Variants in LRRN2 observed in about 807,000 individuals in gnomAD.
LRRN2 encodes the protein leucine-rich repeat neuronal protein 2.
In LRRN2, 10 loss-of-function variants were observed where a neutral mutation model predicts 35.7. That is an observed-to-expected ratio of 0.28 (90% CI 0.17 to 0.47). The LOEUF is 0.47. Among genes scored for constraint, LRRN2 ranks in the 20% least tolerant of loss-of-function variants. The probability of loss-of-function intolerance (pLI) is 0.99; values close to 1 mark genes in which losing one functional copy is unlikely to be tolerated. For synonymous variants in LRRN2, 391 were observed against 409.6 expected (o/e 0.95, Z 0.55); for missense variants, 731 against 940.3 (o/e 0.78, Z 2.91).
chr1:204,649,910 C>T (rs1192587389), intron 1 of LRRN2, among the ~76,000 whole-genome samples: 1 of 152,174 alleles, frequency 6.6e-6, no homozygotes, highest in Non-Finnish European at 1.5e-5. Flanking sequence ...GCAGGGTCCC[C>T]AGAGACTGTG....
At position 204,631,258 on chromosome 1, in the gene LRRN2, ATATATATATAT is replaced by A. The variant is rs1667688367; in HGVS notation, c.-226-11051_-226-11041del. Among the ~76,000 whole-genome samples, 233 of 38,988 alleles carry A rather than the reference ATATATATATAT, an allele frequency of 6.0e-3. 26 individuals carry two copies. Among genetic ancestry groups the A allele is most frequent in the Middle Eastern group, 0.018 (2 of 114 alleles). The allele number at this position is 38,988 out of a possible 152,430, so 25.6% of individuals were successfully genotyped here. A position where few individuals can be genotyped will look rare whatever the true frequency, so the allele number is the denominator to read the frequency against. On this transcript the variant is annotated intron_variant, in intron 1 of 1. Transcript: ENST00000367177. Reference sequence around the variant, plus strand: ...AGAAGAGTGATACCTAGAGTGTTCTATATATATATATATATATATATATATATATATATATA... The same window carrying A: ...AGAAGAGTGATACCTAGAGTGTTCTAATATATATATATATATATATATATA...
At chr1:204,672,096 C>T (rs1461326357) in intron 1 of LRRN2, among the ~76,000 whole-genome samples, 1 of 152,134 alleles carries the variant, frequency 6.6e-6, no homozygotes, top group Non-Finnish European at 1.5e-5. Flanking sequence ...AGGATGTCGC[C>T]TTATTTTGCG....
chr1:204,619,824 C>A lies in LRRN2; in HGVS notation c.169G>T (p.Asp57Tyr). The A allele has an allele frequency of 6.2e-7, 1 of 1,613,826 alleles. No homozygotes were observed. Among genetic ancestry groups the A allele is most frequent in the Non-Finnish European group, 8.5e-7 (1 of 1,179,832 alleles). The change falls in exon 2 of 2, where the codon GAC (aspartate) becomes TAC (tyrosine). Residue 57 changes from aspartate to tyrosine, a missense_variant. Coordinates refer to ENST00000367177, the MANE Select transcript of LRRN2 (RefSeq NM_201630.2). Reference protein sequence around the residue: ...YREATTVDCNDLFLTAVPPAL... With the variant: ...YREATTVDCNYLFLTAVPPAL... ...GGGGGGACTGCCGTCAGGAATAGGT[C>A]ATTGCAGTCCACAGTGGTAGCCTCG...
intron 1 of LRRN2, among the ~76,000 whole-genome samples, chr1:204,646,657 G>T (rs1221393323): frequency 6.6e-6 from 1 of 152,152 alleles, no homozygotes; most frequent in East Asian, 1.9e-4. Flanking sequence ...ATGTCCACCA[G>T]CTTTCAAAGA....
At chr1:204,662,044 G>T (rs762870025) in intron 1 of LRRN2, among the ~76,000 whole-genome samples, 1 of 152,182 alleles carries the variant, frequency 6.6e-6, no homozygotes, top group Non-Finnish European at 1.5e-5. Context: ...GGAATAGCCT[G>T]ATCCCTCTGC....
intron 1 of LRRN2, among the ~76,000 whole-genome samples, chr1:204,679,692 TC>T (rs1276974679): frequency 6.6e-6 from 1 of 152,032 alleles, no homozygotes; most frequent in East Asian, 1.9e-4. Context: ...TTATCTGGAG[TC>T]TAGGCCCCAT....
intron 1 of LRRN2, among the ~76,000 whole-genome samples, chr1:204,639,736 C>T (rs1176053225): frequency 6.6e-6 from 1 of 152,180 alleles, no homozygotes; most frequent in African/African-American, 2.4e-5. Flanking sequence ...AGGGCTTACT[C>T]TCTGCCAGGC....
chr1:204,657,970 C>CTTTTT (rs56792483), intron 1 of LRRN2, among the ~76,000 whole-genome samples: 35 of 75,262 alleles, frequency 4.7e-4, no homozygotes, highest in South Asian at 5.3e-4. Context: ...GCCAATGGTT[C>CTTTTT]TTTTTTTTTT....
intron 1 of LRRN2, among the ~76,000 whole-genome samples, chr1:204,636,499 G>C (rs761587407): frequency 6.6e-6 from 1 of 152,218 alleles, no homozygotes; most frequent in Admixed American, 6.5e-5. Flanking sequence ...ACTTTGGAAG[G>C]CCAAGGCGGG....
intron 1 of LRRN2, among the ~76,000 whole-genome samples, chr1:204,660,118 G>A (rs117045161): frequency 6.6e-6 from 1 of 152,338 alleles, no homozygotes; most frequent in East Asian, 1.9e-4. Context: ...GCTTCTTCCT[G>A]GTCCAGGGGG....
At chr1:204,669,413 A>G (rs1452938310) in intron 1 of LRRN2, among the ~76,000 whole-genome samples, 2 of 152,252 alleles carry the variant, frequency 1.3e-5, no homozygotes, top group Non-Finnish European at 2.9e-5. Context: ...CCAGACACCA[A>G]TGATACAATA....
intron 1 of LRRN2, among the ~76,000 whole-genome samples, chr1:204,658,494 G>C (rs760550367): frequency 1.3e-5 from 2 of 152,188 alleles, no homozygotes; most frequent in Admixed American, 6.5e-5. Context: ...ATATCCCCAA[G>C]TCAGCACTTT....
rs1260923691 is a variant in LRRN2 at position 204,626,461 on chromosome 1, G to A, written c.-226-6243C>T. Among the ~76,000 whole-genome samples, 5 of 151,852 alleles carry A rather than the reference G, an allele frequency of 3.3e-5. No homozygotes were observed. In the East Asian group the frequency reaches 7.8e-4, roughly 24 times the overall value. ...ACACCTTGGGCCTCTCACTGTGCCT[G>A]CCGTGCCCTTTCCCAACTTCAACTA... On this transcript the variant is annotated intron_variant, in intron 1 of 1. Coordinates refer to ENST00000367177, the MANE Select transcript of LRRN2 (RefSeq NM_201630.2).
rs3789045 is a variant in LRRN2, at chr1:204,617,684, C to T, written c.*167G>A. ...GGTAAGGGCAACTTTTTCGAGGCTG[C>T]AGAAGCACCCCCAGGGCCACAAAGC... On this transcript the variant is annotated 3_prime_UTR_variant, in exon 2 of 2. Coordinates refer to ENST00000367177, the MANE Select transcript of LRRN2 (RefSeq NM_201630.2). 155,562 of 760,074 alleles carry T rather than the reference C, an allele frequency of 0.2. 17,414 individuals carry two copies. The highest frequency in any genetic ancestry group is 0.35 in the East Asian group (13,913 of 39,972). The allele number at this position is 760,074 out of a possible 1,614,324, so 47.1% of individuals were successfully genotyped here. A position where few individuals can be genotyped will look rare whatever the true frequency, so the allele number is the denominator to read the frequency against.
At chr1:204,665,519 G>A (rs1404478176) in intron 1 of LRRN2, among the ~76,000 whole-genome samples, 1 of 152,166 alleles carries the variant, frequency 6.6e-6, no homozygotes, top group African/African-American at 2.4e-5. Context: ...CTTTTTATCT[G>A]TCCCTCCTAC....
intron 1 of LRRN2, among the ~76,000 whole-genome samples, chr1:204,683,329 CAG>C (rs1228832755): frequency 3.3e-5 from 5 of 151,900 alleles, no homozygotes; most frequent in Admixed American, 3.3e-4. Flanking sequence ...AAAGTGGAGA[CAG>C]AGCCTGGGAA....
intron 1 of LRRN2, among the ~76,000 whole-genome samples, chr1:204,671,259 T>C (rs925120143): frequency 2.0e-5 from 3 of 150,474 alleles, no homozygotes; most frequent in African/African-American, 7.3e-5. Flanking sequence ...GAGGCAGAGG[T>C]TTGGGGAGGA....
intron 1 of LRRN2, among the ~76,000 whole-genome samples, chr1:204,680,872 C>T (rs1668933551): frequency 6.6e-6 from 1 of 152,158 alleles, no homozygotes; most frequent in Non-Finnish European, 1.5e-5. Context: ...CCATCTCTGC[C>T]TGGTTGACTC....
chr1:204,623,682 GT>G (rs1667092229), intron 1 of LRRN2, among the ~76,000 whole-genome samples: 1 of 152,190 alleles, frequency 6.6e-6, no homozygotes, highest in Non-Finnish European at 1.5e-5. Flanking sequence ...AAAGCTAATT[GT>G]CTTTCATCTG....
Sources: gnomAD v4.1 joint callset for allele counts (sites outside exome capture counted in the v4.1 genomes callset) on GRCh38, gnomAD v4.1.1 for gene constraint, MANE v1.5 for transcripts, NCBI Gene and HGNC (gene_info 2026-07-23, HGNC 2026-07-21) for gene names.